ENOX2: variants seen among roughly 807,000 people sequenced by gnomAD.
ENOX2 encodes ecto-NOX disulfide-thiol exchanger 2.
A neutral mutation model predicts 45.0 loss-of-function variants in ENOX2; 36 were observed. The observed-to-expected ratio is 0.80, with a 90% CI of 0.61 to 1.06. The LOEUF is 1.06. Among genes scored for constraint, ENOX2 ranks in the 50% least tolerant of loss-of-function variants. The pLI is 0.00. For synonymous variants in ENOX2, 174 were observed against 152.3 expected (o/e 1.14, Z -1.05); for missense variants, 423 against 462.5 (o/e 0.91, Z 0.78).
intron 10 of ENOX2, among the ~76,000 whole-genome samples, chrX:130,638,287 C>T (rs776041616): frequency 9.1e-6 from 1 of 109,780 alleles, no homozygotes; most frequent in African/African-American, 3.3e-5. Flanking sequence ...AGGCTGGTCT[C>T]GAACTCCTGA....
At chrX:130,679,079 TA>T (rs2037230775) in intron 6 of ENOX2, among the ~76,000 whole-genome samples, 1 of 111,390 alleles carries the variant, frequency 9.0e-6, no homozygotes, top group South Asian at 3.9e-4. Flanking sequence ...AAGGAGTGCC[TA>T]AAGCAGTGCT....
intron 14 of ENOX2, among the ~76,000 whole-genome samples, chrX:130,627,280 A>G (rs989627309): frequency 8.9e-6 from 1 of 111,906 alleles, no homozygotes; most frequent in Non-Finnish European, 1.9e-5. Flanking sequence ...GCTAAAAACC[A>G]GGGACAAAAG....
intron 7 of ENOX2, among the ~76,000 whole-genome samples, chrX:130,669,415 T>C (rs1447015233): frequency 8.9e-6 from 1 of 112,457 alleles, no homozygotes; most frequent in Non-Finnish European, 1.9e-5. Flanking sequence ...TAAACTGGCC[T>C]TTTAAAGTGA....
intron 3 of ENOX2, among the ~76,000 whole-genome samples, chrX:130,731,029 C>T (rs1203854514): frequency 9.1e-6 from 1 of 110,481 alleles, no homozygotes; most frequent in Non-Finnish European, 1.9e-5. Context: ...TTTTAGGGTG[C>T]CCTGGCTGAG....
intron 2 of ENOX2, among the ~76,000 whole-genome samples, chrX:130,866,851 T>C (rs1391560277): frequency 9.0e-6 from 1 of 110,704 alleles, no homozygotes; most frequent in Non-Finnish European, 1.9e-5. Flanking sequence ...TCTTCACTTG[T>C]TAACCCCATT....
At chrX:130,630,080 T>C (rs1316747395) in intron 13 of ENOX2, among the ~76,000 whole-genome samples, 3 of 110,739 alleles carry the variant, frequency 2.7e-5, no homozygotes, top group Non-Finnish European at 5.7e-5. Flanking sequence ...AGAGAAGAAA[T>C]GGTGGGGTCA....
chrX:130,737,577 T>A (rs1385445421), intron 3 of ENOX2, among the ~76,000 whole-genome samples: 2 of 112,175 alleles, frequency 1.8e-5, no homozygotes, highest in African/African-American at 3.2e-5. Context: ...TTCTGGCCAC[T>A]CAAAGATAGT....
chrX:130,894,817 T>A (rs1169089085), intron 2 of ENOX2, among the ~76,000 whole-genome samples: 1 of 111,629 alleles, frequency 9.0e-6, no homozygotes, highest in Non-Finnish European at 1.9e-5. Context: ...ACACACAATA[T>A]CTTACCTTTT....
intron 3 of ENOX2, among the ~76,000 whole-genome samples, chrX:130,762,353 T>C (rs2039511874): frequency 8.9e-6 from 1 of 112,006 alleles, no homozygotes; most frequent in African/African-American, 3.2e-5. Context: ...GGTGGGAGGA[T>C]CACTTGAGGC....
At chrX:130,834,624 A>C (rs1044619541) in intron 2 of ENOX2, among the ~76,000 whole-genome samples, 1 of 110,454 alleles carries the variant, frequency 9.1e-6, no homozygotes, top group Non-Finnish European at 1.9e-5. Flanking sequence ...CCGTGTCTTC[A>C]TAAAACTCTG....
chrX:130,716,829 C>G (rs184711897), intron 3 of ENOX2, among the ~76,000 whole-genome samples: 1 of 112,452 alleles, frequency 8.9e-6, no homozygotes, highest in East Asian at 2.8e-4. Context: ...AAATAGCAAA[C>G]ACATGTGAGT....
intron 3 of ENOX2, among the ~76,000 whole-genome samples, chrX:130,708,958 CA>C (rs1193236005): frequency 8.9e-6 from 1 of 112,156 alleles, no homozygotes; most frequent in Admixed American, 9.4e-5. Context: ...TACAGACATA[CA>C]AACTTCAAGG....
At chrX:130,723,669 G>A (rs1462055574) in intron 3 of ENOX2, among the ~76,000 whole-genome samples, 1 of 111,674 alleles carries the variant, frequency 9.0e-6, no homozygotes, top group Non-Finnish European at 1.9e-5. Flanking sequence ...TGCAGAATCA[G>A]TACTAATTTA....
At chrX:130,772,610 T>TA (rs1439510117) in intron 3 of ENOX2, among the ~76,000 whole-genome samples, 1 of 111,936 alleles carries the variant, frequency 8.9e-6, no homozygotes, top group Non-Finnish European at 1.9e-5. Flanking sequence ...TCTTGCCAGA[T>TA]AAAAAGGCCA....
intron 2 of ENOX2, among the ~76,000 whole-genome samples, chrX:130,825,447 G>T (rs1268222817): frequency 9.0e-6 from 1 of 111,154 alleles, no homozygotes; most frequent in African/African-American, 3.3e-5. Context: ...CTGGTATATG[G>T]TATATCTGTA....
chrX:130,760,138 T>C (rs1315271804), intron 3 of ENOX2, among the ~76,000 whole-genome samples: 1 of 112,089 alleles, frequency 8.9e-6, no homozygotes, highest in Non-Finnish European at 1.9e-5. Context: ...CAATTGATTT[T>C]TGTATGCTTA....
intron 2 of ENOX2, among the ~76,000 whole-genome samples, chrX:130,787,047 A>G (rs960951952): frequency 2.2e-4 from 20 of 92,274 alleles, no homozygotes; most frequent in Non-Finnish European, 3.4e-4. Flanking sequence ...CTATTTCTCC[A>G]CATCCTCTCC....
intron 12 of ENOX2, 147 bp from the exon 13 acceptor site, chrX:130,631,723 A>G: frequency 2.7e-6 from 1 of 374,499 alleles, no homozygotes. Context: ...AAATAGCATA[A>G]ATTACAAAAG....
intron 5 of ENOX2, among the ~76,000 whole-genome samples, chrX:130,682,703 T>G (rs1042490781): frequency 3.8e-5 from 4 of 104,862 alleles, no homozygotes; most frequent in Admixed American, 1.1e-4. Context: ...TAAAAGCCAC[T>G]AAGAGTAATG....
Sources: gnomAD v4.1 joint callset for allele counts (sites outside exome capture counted in the v4.1 genomes callset) on GRCh38, gnomAD v4.1.1 for gene constraint, MANE v1.5 for transcripts, NCBI Gene and HGNC (gene_info 2026-07-23, HGNC 2026-07-21) for gene names.